The following CSMD1 variants were observed in gnomAD, a reference collection of about 807,000 sequenced individuals.
CSMD1 encodes CUB and Sushi multiple domains 1, also known as CUB and sushi domain-containing protein 1.
A neutral mutation model predicts 417.5 loss-of-function variants in CSMD1; 213 were observed. That is an observed-to-expected ratio of 0.51 (90% CI 0.46 to 0.57). The LOEUF (loss-of-function observed/expected upper bound fraction) is 0.57, where lower values mean the gene tolerates loss of function less well. CSMD1 is among the 20% of genes least tolerant of loss of function. The pLI is 0.00. For synonymous variants in CSMD1, 2,862 were observed against 1,736.8 expected (o/e 1.65, Z -16.11); for missense variants, 6,923 against 4,529.7 (o/e 1.53, Z -15.17).
chr8:4,801,492 C>T (rs28376909), intron 1 of CSMD1, among the ~76,000 whole-genome samples: 10,609 of 151,540 alleles, frequency 0.07, 627 homozygotes, highest in East Asian at 0.24. Context: ...AATTGAGGGG[C>T]GCAAGTACTT....
intron 3 of CSMD1, among the ~76,000 whole-genome samples, chr8:4,190,040 C>G (rs1014749444): frequency 1.4e-4 from 21 of 151,546 alleles, no homozygotes; most frequent in African/African-American, 4.9e-4. Context: ...AGGTAGAACA[C>G]GAGGTCAGGA....
chr8:4,746,735 G>A (rs1367326381), intron 1 of CSMD1, among the ~76,000 whole-genome samples: 1 of 151,970 alleles, frequency 6.6e-6, no homozygotes, highest in East Asian at 1.9e-4. Flanking sequence ...ACCTCGGTGG[G>A]AGTCACCGGT....
chr8:4,608,007 A>G (rs2130783044), intron 2 of CSMD1, among the ~76,000 whole-genome samples: 1 of 152,220 alleles, frequency 6.6e-6, no homozygotes, highest in African/African-American at 2.4e-5. Context: ...AGAAGGCATC[A>G]GGGATAATGT....
intron 1 of CSMD1, among the ~76,000 whole-genome samples, chr8:4,816,221 G>C (rs961388699): frequency 1.3e-5 from 2 of 151,844 alleles, no homozygotes; most frequent in African/African-American, 4.8e-5. Context: ...GTCTCGCTCT[G>C]TTGCCCAGTT....
chr8:3,751,326 G>GTCTGTA (rs398006953), intron 6 of CSMD1, among the ~76,000 whole-genome samples: 1 of 132,912 alleles, frequency 7.5e-6, no homozygotes, highest in Non-Finnish European at 1.7e-5. Flanking sequence ...GTGTGTGTGT[G>GTCTGTA]TATATATATA....
intron 10 of CSMD1, among the ~76,000 whole-genome samples, chr8:3,547,403 C>A (rs1470819371): frequency 6.6e-6 from 1 of 152,140 alleles, no homozygotes; most frequent in Non-Finnish European, 1.5e-5. Context: ...AAAACTGATT[C>A]AGTTTTTAAA....
At chr8:3,494,244 G>GT (rs201579571) in intron 10 of CSMD1, among the ~76,000 whole-genome samples, 14 of 152,108 alleles carry the variant, frequency 9.2e-5, no homozygotes, top group Non-Finnish European at 1.3e-4. Flanking sequence ...TTTTTTGTTT[G>GT]TTTTTTTACA....
chr8:3,804,498 T>C (rs1800623385), intron 5 of CSMD1, among the ~76,000 whole-genome samples: 1 of 152,184 alleles, frequency 6.6e-6, no homozygotes, highest in South Asian at 2.1e-4. Flanking sequence ...ATCACTTTAT[T>C]AATTTTAATA....
chr8:4,708,172 C>G (rs1031047895), intron 1 of CSMD1, among the ~76,000 whole-genome samples: 1 of 152,030 alleles, frequency 6.6e-6, no homozygotes, highest in African/African-American at 2.4e-5. Flanking sequence ...CCAGGCTGGT[C>G]TGAATCTCCA....
rs1224438880 is a variant in CSMD1 at position 2,936,560 on chromosome 8, A to C, written c.*2025T>G. 4 of 152,098 alleles carry C rather than the reference A, an allele frequency of 2.6e-5. No individual in the cohort carries two copies. Among genetic ancestry groups the C allele is most frequent in the Non-Finnish European group, 5.9e-5 (4 of 68,042 alleles). 9.4% of individuals were successfully genotyped at this position (152,098 alleles called of 1,614,324 possible). A position where few individuals can be genotyped will look rare whatever the true frequency, so the allele number is the denominator to read the frequency against. On this transcript the variant is annotated 3_prime_UTR_variant, in exon 70 of 70. Coordinates refer to ENST00000635120, the MANE Select transcript of CSMD1 (RefSeq NM_033225.6). ...AGCAATGTAAGGATTCCCACTGGCA[A>C]AGCAAATCTCCAAGGATGTGGGCAG...
At chr8:3,811,651 C>T (rs749337644) in intron 5 of CSMD1, among the ~76,000 whole-genome samples, 44 of 152,114 alleles carry the variant, frequency 2.9e-4, no homozygotes, top group Non-Finnish European at 4.7e-4. Context: ...CATTCCTTGC[C>T]ACCATCTATG....
At chr8:4,717,382 CACAT>C (rs1808735686) in intron 1 of CSMD1, among the ~76,000 whole-genome samples, 1 of 138,674 alleles carries the variant, frequency 7.2e-6, no homozygotes, top group African/African-American at 3.1e-5. Context: ...TATACACACA[CACAT>C]ATACATACAT....
chr8:4,268,434 C>T (rs989616031), intron 3 of CSMD1, among the ~76,000 whole-genome samples: 1 of 152,268 alleles, frequency 6.6e-6, no homozygotes, highest in Admixed American at 6.5e-5. Flanking sequence ...TTGTTTATAG[C>T]TCACAGCAAG....
intron 2 of CSMD1, among the ~76,000 whole-genome samples, chr8:4,445,570 G>A (rs565521181): frequency 1.3e-5 from 2 of 152,152 alleles, no homozygotes; most frequent in Admixed American, 6.5e-5. Context: ...TCAATGAATT[G>A]AAATAATACG....
chr8:3,325,905 A>C (rs1806497118), intron 23 of CSMD1, among the ~76,000 whole-genome samples: 1 of 152,254 alleles, frequency 6.6e-6, no homozygotes. Context: ...AGATCATCAC[A>C]AAATATAAAG....
chr8:3,621,436 C>A (rs10091628), intron 7 of CSMD1, among the ~76,000 whole-genome samples: 27,896 of 151,746 alleles, frequency 0.18, 2,652 homozygotes, highest in East Asian at 0.25. Context: ...GGGGCTGGGG[C>A]AAAGGGAAAG....
intron 37 of CSMD1, among the ~76,000 whole-genome samples, chr8:3,172,284 T>C (rs1418749789): frequency 6.6e-6 from 1 of 152,240 alleles, no homozygotes; most frequent in Non-Finnish European, 1.5e-5. Context: ...TGCTGGGTTC[T>C]TTTCCACCTG....
At chr8:3,918,416 G>C (rs559012540) in intron 5 of CSMD1, among the ~76,000 whole-genome samples, 20 of 152,056 alleles carry the variant, frequency 1.3e-4, no homozygotes, top group African/African-American at 4.3e-4. Context: ...TATTCTTGTG[G>C]TTTTGATTTG....
intron 1 of CSMD1, among the ~76,000 whole-genome samples, chr8:4,779,626 C>G (rs994999843): frequency 4.6e-5 from 7 of 152,226 alleles, no homozygotes; most frequent in Non-Finnish European, 7.3e-5. Context: ...CAGCACTTCT[C>G]AAGCTTCTCT....
Sources: gnomAD v4.1 joint callset for allele counts (sites outside exome capture counted in the v4.1 genomes callset) on GRCh38, gnomAD v4.1.1 for gene constraint, MANE v1.5 for transcripts, NCBI Gene and HGNC (gene_info 2026-07-23, HGNC 2026-07-21) for gene names.